The following RYR2 variants were observed in gnomAD, a reference collection of about 807,000 sequenced individuals.
The protein encoded by RYR2 is cardiac muscle ryanodine receptor-calcium release channel.
Under a neutral mutation model 601.1 loss-of-function variants are expected in RYR2, and 227 were observed. The ratio of observed to expected loss-of-function variants is 0.38; its 90% confidence interval spans 0.34 to 0.42. The LOEUF is 0.42. Among genes scored for constraint, RYR2 ranks in the 10% least tolerant of loss-of-function variants. The probability of loss-of-function intolerance (pLI) is 1.00; values close to 1 mark genes in which losing one functional copy is unlikely to be tolerated. For missense variants in RYR2, 4,646 were observed against 6,156.5 expected (o/e 0.75, Z 8.21); for synonymous variants, 2,223 against 2,175.1 (o/e 1.02, Z -0.61).
chr1:237,426,398 CTG>C (rs1036594958), intron 12 of RYR2, among the ~76,000 whole-genome samples: 3 of 152,118 alleles, frequency 2.0e-5, no homozygotes, highest in Non-Finnish European at 4.4e-5. Flanking sequence ...CTCCTTGTCT[CTG>C]TAACTGGAAA....
chr1:237,459,701 C>T (rs894732196), intron 16 of RYR2, among the ~76,000 whole-genome samples: 2 of 152,160 alleles, frequency 1.3e-5, no homozygotes, highest in African/African-American at 4.8e-5. Context: ...CCAATCCTCC[C>T]TTTACCTCCA....
intron 1 of RYR2, among the ~76,000 whole-genome samples, chr1:237,110,618 T>C (rs1309161738): frequency 1.3e-5 from 2 of 152,182 alleles, no homozygotes; most frequent in African/African-American, 4.8e-5. Context: ...GTTTGGAGTC[T>C]GCACTTTGAG....
At chr1:237,696,269 C>G (rs943175380) in intron 63 of RYR2, among the ~76,000 whole-genome samples, 1 of 152,148 alleles carries the variant, frequency 6.6e-6, no homozygotes, top group African/African-American at 2.4e-5. Flanking sequence ...AAGGACCTGC[C>G]TCTCTGATTT....
chr1:237,577,551 T>TGAGAGAGAGAGAGAGAGA (rs60270548), intron 29 of RYR2, among the ~76,000 whole-genome samples: 1 of 129,534 alleles, frequency 7.7e-6, no homozygotes, highest in Non-Finnish European at 1.7e-5. Flanking sequence ...TGTGTGTGTT[T>TGAGAGAGAGAGAGAGAGA]GAGAGAGAGA....
At chr1:237,047,464 C>T (rs1660738599) in intron 1 of RYR2, among the ~76,000 whole-genome samples, 1 of 145,584 alleles carries the variant, frequency 6.9e-6, no homozygotes, top group African/African-American at 2.5e-5. Flanking sequence ...TTTCTCCCAT[C>T]TTAAAATGTC....
chr1:237,607,916 A>T (rs549982389), intron 35 of RYR2, among the ~76,000 whole-genome samples: 1 of 152,324 alleles, frequency 6.6e-6, no homozygotes, highest in African/African-American at 2.4e-5. Flanking sequence ...TTATGGAGTT[A>T]ATATAACTAA....
chr1:237,356,046 C>A, intron 4 of RYR2, 61 bp downstream of exon 4: 1 of 1,477,326 alleles, frequency 6.8e-7, no homozygotes, highest in Non-Finnish European at 9.4e-7. Flanking sequence ...TTGCTCTCGC[C>A]TCTAATCTTT....
chr1:237,393,467 A>G (rs1702559407), intron 10 of RYR2, among the ~76,000 whole-genome samples: 1 of 152,202 alleles, frequency 6.6e-6, no homozygotes, highest in Non-Finnish European at 1.5e-5. Context: ...AGAGATGCAT[A>G]GTTTATATCT....
intron 29 of RYR2, among the ~76,000 whole-genome samples, chr1:237,587,425 G>A (rs1674648953): frequency 6.6e-6 from 1 of 152,086 alleles, no homozygotes; most frequent in Admixed American, 6.5e-5. Context: ...AAGAAAATTT[G>A]TTAAATTGGG....
chr1:237,493,666 A>G (rs961736136), intron 19 of RYR2, among the ~76,000 whole-genome samples: 1 of 152,042 alleles, frequency 6.6e-6, no homozygotes, highest in Non-Finnish European at 1.5e-5. Flanking sequence ...GTTAGCCAGG[A>G]TGGTCTCGAA....
At chr1:237,198,464 T>G (rs1680814238) in intron 1 of RYR2, among the ~76,000 whole-genome samples, 1 of 142,988 alleles carries the variant, frequency 7.0e-6, no homozygotes, top group Non-Finnish European at 1.5e-5. Flanking sequence ...TTTTTTGGTA[T>G]GGAAGTATTT....
intron 99 of RYR2, among the ~76,000 whole-genome samples, chr1:237,806,542 TAAAAAC>T (rs1660655205): frequency 6.6e-6 from 1 of 152,052 alleles, no homozygotes; most frequent in Non-Finnish European, 1.5e-5. Context: ...GAAAATGAAA[TAAAAAC>T]AAATGTGTAT....
chr1:237,440,970 C>T (rs531123782), intron 12 of RYR2, among the ~76,000 whole-genome samples: 8 of 149,530 alleles, frequency 5.4e-5, no homozygotes, highest in African/African-American at 2.0e-4. Flanking sequence ...TCTCTGTCCC[C>T]CAAATCTATG....
intron 2 of RYR2, among the ~76,000 whole-genome samples, chr1:237,318,744 G>T (rs548720253): frequency 6.6e-6 from 1 of 152,068 alleles, no homozygotes; most frequent in Non-Finnish European, 1.5e-5. Context: ...ATTTTTGTCT[G>T]ACTGTCATGC....
Position 237,648,582 on chromosome 1 carries a change from C to T in RYR2, c.7481C>T (p.Pro2494Leu). The change falls in exon 49 of 105, where the codon CCA (proline) becomes CTA (leucine). Residue 2494 changes from proline to leucine, a missense_variant. By Grantham distance (98) the Pro-to-Leu change is moderately conservative (BLOSUM62 -3). Around this residue, in one of 17 missense-constraint regions of RYR2, gnomAD observed 1,497 missense variants for 1,842.6 expected, o/e 0.81. Transcript: ENST00000366574. ...LLHLLEVGFL[P>L]DLRAAASLDT... ...CATCTTCTTGAGGTTGGCTTTCTGC[C>T]AGATCTCCGGGCGGCTGCTTCTTTA... is the stretch of plus-strand genomic sequence containing the variant. 1 of 1,610,708 alleles carries T rather than the reference C, an allele frequency of 6.2e-7. No homozygotes were observed. The highest frequency in any genetic ancestry group is 2.2e-5 in the East Asian group (1 of 44,842).
chr1:237,461,726 A>C (rs1331714633), intron 16 of RYR2, among the ~76,000 whole-genome samples: 4 of 151,590 alleles, frequency 2.6e-5, no homozygotes, highest in Non-Finnish European at 1.5e-5. Context: ...ATTACAGTTG[A>C]GTAAAAAAAA....
chr1:237,537,925 G>A (rs927447196), intron 25 of RYR2, among the ~76,000 whole-genome samples: 1 of 152,124 alleles, frequency 6.6e-6, no homozygotes, highest in South Asian at 2.1e-4. Flanking sequence ...TTGGAATTGA[G>A]GTGTAACAGA....
chr1:237,449,102 G>A (rs1354916610), intron 14 of RYR2, among the ~76,000 whole-genome samples: 1 of 152,114 alleles, frequency 6.6e-6, no homozygotes, highest in African/African-American at 2.4e-5. Context: ...GGGAGCGTGA[G>A]AGCATATGGG....
chr1:237,378,630 C>T (rs1701216601), intron 8 of RYR2, among the ~76,000 whole-genome samples: 1 of 152,196 alleles, frequency 6.6e-6, no homozygotes, highest in Non-Finnish European at 1.5e-5. Flanking sequence ...TATTTTACCA[C>T]TACCATAAAT....
Sources: gnomAD v4.1 joint callset for allele counts (sites outside exome capture counted in the v4.1 genomes callset) on GRCh38, gnomAD v4.1.1 for gene constraint, gnomAD v4.1.1 regional missense constraint, MANE v1.5 for transcripts, NCBI Gene and HGNC (gene_info 2026-07-23, HGNC 2026-07-21) for gene names.